FBXO34: variants seen among roughly 807,000 people sequenced by gnomAD.
FBXO34 encodes F-box protein 34.
Under a neutral mutation model 24.5 loss-of-function variants are expected in FBXO34, and 12 were observed. The observed-to-expected ratio is 0.49, with a 90% CI of 0.31 to 0.79. FBXO34 has a LOEUF of 0.79. Ranked by LOEUF, FBXO34 falls within the 30% of genes least tolerant of loss-of-function variation. The probability of loss-of-function intolerance (pLI) is 0.04; values close to 1 mark genes in which losing one functional copy is unlikely to be tolerated. For synonymous variants in FBXO34, 320 were observed against 311.9 expected (o/e 1.03, Z -0.27); for missense variants, 823 against 857.7 (o/e 0.96, Z 0.51).
chr14:55,279,484 T>C (rs373463471), intron 1 of FBXO34, among the ~76,000 whole-genome samples: 47 of 152,238 alleles, frequency 3.1e-4, no homozygotes, highest in African/African-American at 1.1e-3. Flanking sequence ...GAATTCACAG[T>C]GAAAGGAAAT....
chr14:55,357,435 C>T (rs1201391977), downstream of FBXO34, among the ~76,000 whole-genome samples: 1 of 152,194 alleles, frequency 6.6e-6, no homozygotes, highest in Non-Finnish European at 1.5e-5. Context: ...GAGAACAGGC[C>T]TCAGAACAAA....
At chr14:55,366,780 T>C (rs1464932812), downstream of FBXO34, 1 of 152,674 alleles carries the variant, frequency 6.5e-6, no homozygotes, top group East Asian at 1.9e-4. Context: ...TATGGCTTTT[T>C]GTTTAAACAA....
chr14:55,381,105 T>C, the FBXO34 span, among the ~76,000 whole-genome samples: 1 of 152,084 alleles, frequency 6.6e-6, no homozygotes, highest in Middle Eastern at 3.4e-3. Flanking sequence ...CCCTAGTTCC[T>C]TCCATGGCAC....
chr14:55,292,437 G>C (rs1881973674), intron 1 of FBXO34, among the ~76,000 whole-genome samples: 1 of 151,928 alleles, frequency 6.6e-6, no homozygotes, highest in African/African-American at 2.4e-5. Flanking sequence ...ACAGCTCACT[G>C]CAGCCTCTAC....
Position 55,310,874 on chromosome 14 carries a change from T to C in FBXO34, c.-11+39337T>C, listed in dbSNP as rs76647998. Reference sequence around the variant, plus strand: ...TACAAGATGTGATAGCGTTTTCTTATCTGAACTGTTTTATAAACTCTGACC... The same window carrying C: ...TACAAGATGTGATAGCGTTTTCTTACCTGAACTGTTTTATAAACTCTGACC... On this transcript the variant is annotated intron_variant, in intron 1 of 1. Coordinates refer to ENST00000313833, the MANE Select transcript of FBXO34 (RefSeq NM_017943.4). Among the ~76,000 whole-genome samples, 341 of 152,146 alleles carry C rather than the reference T, an allele frequency of 2.2e-3. 1 individual carries two copies. Among genetic ancestry groups the C allele is most frequent in the African/African-American group, 7.4e-3 (309 of 41,502 alleles).
At chr14:55,391,471 TAA>T in the FBXO34 span, among the ~76,000 whole-genome samples, 8 of 75,776 alleles carry the variant, frequency 1.1e-4, no homozygotes, top group African/African-American at 4.0e-5. Flanking sequence ...TGAGACTCCA[TAA>T]AAAAAAAAAA....
the FBXO34 span, among the ~76,000 whole-genome samples, chr14:55,375,106 T>G: frequency 1.0e-3 from 154 of 152,362 alleles, no homozygotes; most frequent in African/African-American, 3.6e-3. Context: ...CCTGTGGCTT[T>G]CTTTCAGCTC....
the FBXO34 span, among the ~76,000 whole-genome samples, chr14:55,384,185 TATA>T: frequency 6.6e-6 from 1 of 152,202 alleles, no homozygotes. Flanking sequence ...ATTAATGGCA[TATA>T]ATAACATACA....
the FBXO34 span, among the ~76,000 whole-genome samples, chr14:55,388,841 C>G: frequency 6.6e-6 from 1 of 152,164 alleles, no homozygotes; most frequent in African/African-American, 2.4e-5. Flanking sequence ...TCAGAACCAC[C>G]TGGAGTAGTG....
chr14:55,379,312 G>T, the FBXO34 span, among the ~76,000 whole-genome samples: 1 of 151,998 alleles, frequency 6.6e-6, no homozygotes, highest in Non-Finnish European at 1.5e-5. Flanking sequence ...GAGGAGGGCG[G>T]ATCGCTTGAG....
At chr14:55,369,890 TCCTC>T, downstream of FBXO34, 1 of 1,613,564 alleles carries the variant, frequency 6.2e-7, no homozygotes, top group Non-Finnish European at 8.5e-7. Flanking sequence ...TTCCATGGAC[TCCTC>T]AAGGTCTGCT....
At chr14:55,415,686 G>A in the FBXO34 span, among the ~76,000 whole-genome samples, 3,820 of 152,196 alleles carry the variant, frequency 0.025, 152 homozygotes, top group African/African-American at 0.087. Flanking sequence ...CCAACACGGC[G>A]AAACCCCCGT....
At chr14:55,411,907 G>A in the FBXO34 span, 5 of 1,300,108 alleles carry the variant, frequency 3.8e-6, no homozygotes, top group Non-Finnish European at 4.2e-6. Flanking sequence ...CTGGGGAAGG[G>A]GGGCTGGGAT....
intron 1 of FBXO34, among the ~76,000 whole-genome samples, chr14:55,278,624 C>A (rs182544648): frequency 6.6e-6 from 1 of 152,270 alleles, no homozygotes; most frequent in East Asian, 1.9e-4. Flanking sequence ...CATAGGACTA[C>A]TGTACAAAGA....
chr14:55,329,666 A>G (rs1883468087), intron 1 of FBXO34, among the ~76,000 whole-genome samples: 1 of 152,120 alleles, frequency 6.6e-6, no homozygotes, highest in South Asian at 2.1e-4. Context: ...CTGTGGACCT[A>G]TTTTTTAAAA....
At chr14:55,294,017 C>T (rs1329421742) in intron 1 of FBXO34, among the ~76,000 whole-genome samples, 1 of 152,046 alleles carries the variant, frequency 6.6e-6, no homozygotes, top group Non-Finnish European at 1.5e-5. Flanking sequence ...AACGCTATTC[C>T]TTAGATAAAT....
chr14:55,413,037 C>G, the FBXO34 span, among the ~76,000 whole-genome samples: 1 of 152,174 alleles, frequency 6.6e-6, no homozygotes, highest in Non-Finnish European at 1.5e-5. Flanking sequence ...TAATCTTACC[C>G]AGTCTTTTTA....
intron 1 of FBXO34, among the ~76,000 whole-genome samples, chr14:55,342,914 G>A (rs1288415481): frequency 1.3e-5 from 2 of 152,214 alleles, no homozygotes; most frequent in African/African-American, 4.8e-5. Context: ...AGTGGGGAAA[G>A]TATAGATCCA....
At chr14:55,301,201 C>T (rs1268277475) in intron 1 of FBXO34, among the ~76,000 whole-genome samples, 2 of 152,044 alleles carry the variant, frequency 1.3e-5, no homozygotes, top group Admixed American at 1.3e-4. Context: ...CTTTGGGAGG[C>T]CAGGAGGGGA....
Sources: allele counts gnomAD v4.1 joint callset (sites outside exome capture counted in the v4.1 genomes callset), GRCh38; gene constraint gnomAD v4.1.1; transcripts MANE v1.5; gene names NCBI Gene and HGNC (gene_info 2026-07-23, HGNC 2026-07-21).